NETO1: variants seen among roughly 807,000 people sequenced by gnomAD.
The protein encoded by NETO1 is neuropilin and tolloid-like protein 1.
A neutral mutation model predicts 61.3 loss-of-function variants in NETO1; 26 were observed. That is an observed-to-expected ratio of 0.42 (90% CI 0.31 to 0.59). The LOEUF (loss-of-function observed/expected upper bound fraction) is 0.59, where lower values mean the gene tolerates loss of function less well. NETO1 is among the 20% of genes least tolerant of loss of function. NETO1 has a pLI of 0.12. For synonymous variants in NETO1, 225 were observed against 225.8 expected (o/e 1.00, Z 0.03); for missense variants, 531 against 662.8 (o/e 0.80, Z 2.18).
chr18:72,833,895 A>G (rs2145414363), intron 4 of NETO1: 1 of 157,304 alleles, frequency 6.4e-6, no homozygotes, highest in East Asian at 1.9e-4. Context: ...TATATATCTC[A>G]TTAACTAGCT....
At chr18:72,854,229 C>A (rs1022647729) in intron 4 of NETO1, among the ~76,000 whole-genome samples, 4 of 152,104 alleles carry the variant, frequency 2.6e-5, no homozygotes, top group Non-Finnish European at 4.4e-5. Context: ...TATTTAAGTA[C>A]AAAATATCGT....
chr18:72,749,707 T>G (rs1186218126), intron 9 of NETO1, among the ~76,000 whole-genome samples: 1 of 152,168 alleles, frequency 6.6e-6, no homozygotes, highest in Admixed American at 6.5e-5. Context: ...AATATATAAA[T>G]ATTGATGGGA....
At chr18:72,866,273 C>A (rs148379795) in intron 1 of NETO1, among the ~76,000 whole-genome samples, 1 of 152,168 alleles carries the variant, frequency 6.6e-6, no homozygotes, top group Non-Finnish European at 1.5e-5. Context: ...CAGGCTTATA[C>A]ATTTATACTT....
chr18:72,820,123 G>A (rs2073145142), intron 4 of NETO1, among the ~76,000 whole-genome samples: 3 of 152,046 alleles, frequency 2.0e-5, no homozygotes, highest in African/African-American at 7.2e-5. Context: ...AAATTCATAA[G>A]GTACTCTAAA....
chr18:72,828,185 C>A (rs1184796911), intron 4 of NETO1, among the ~76,000 whole-genome samples: 3 of 152,150 alleles, frequency 2.0e-5, no homozygotes, highest in African/African-American at 4.8e-5. Context: ...GTGGCACATG[C>A]CTGTAATCTT....
chr18:72,841,728 T>C (rs1942460), intron 4 of NETO1, among the ~76,000 whole-genome samples: 90,946 of 113,124 alleles, frequency 0.8, 34,728 homozygotes, highest in East Asian at 0.89. Context: ...AGTGAGACTC[T>C]ACCTCAACAA....
rs1159246616 is a variant in NETO1 at position 72,745,477 on chromosome 18, A to G, written c.*2702T>C. The G allele has an allele frequency of 1.3e-5, 2 of 152,234 alleles. No homozygotes were observed. The highest frequency in any genetic ancestry group is 2.9e-5 in the Non-Finnish European group (2 of 68,036). The allele number at this position is 152,234 out of a possible 1,614,324, so 9.4% of individuals were successfully genotyped here. A position where few individuals can be genotyped will look rare whatever the true frequency, so the allele number is the denominator to read the frequency against. ...AGGCTAACTTAATGCATTATTTGAA[A>G]TCATCTTGTTAAATCAATAAAGCAC... On this transcript the variant is annotated 3_prime_UTR_variant, in exon 11 of 11. Transcript: ENST00000327305.
At chr18:72,820,121 A>G (rs1484200566) in intron 4 of NETO1, among the ~76,000 whole-genome samples, 1 of 152,234 alleles carries the variant, frequency 6.6e-6, no homozygotes, top group African/African-American at 2.4e-5. Context: ...TCAAATTCAT[A>G]AGGTACTCTA....
intron 3 of NETO1, among the ~76,000 whole-genome samples, chr18:72,862,278 C>A (rs2145673110): frequency 6.6e-6 from 1 of 152,262 alleles, no homozygotes; most frequent in South Asian, 2.1e-4. Context: ...TTTTTAAGAG[C>A]AGTTGAAAAA....
chr18:72,800,813 C>T (rs2072480703), intron 4 of NETO1, among the ~76,000 whole-genome samples: 1 of 152,088 alleles, frequency 6.6e-6, no homozygotes, highest in Non-Finnish European at 1.5e-5. Context: ...CATGTCTCTT[C>T]CTGTAAATAA....
At chr18:72,755,227 A>G (rs968256575) in intron 8 of NETO1, among the ~76,000 whole-genome samples, 1 of 152,226 alleles carries the variant, frequency 6.6e-6, no homozygotes, top group Non-Finnish European at 1.5e-5. Flanking sequence ...GGATTACGAA[A>G]GTAATCAACA....
At chr18:72,796,509 T>C (rs2072316158) in intron 4 of NETO1, among the ~76,000 whole-genome samples, 1 of 152,144 alleles carries the variant, frequency 6.6e-6, no homozygotes, top group South Asian at 2.1e-4. Flanking sequence ...TGAGACGGAG[T>C]CTGGCTCTGT....
In NETO1 at chr18:72,787,585, C is replaced by T. The variant is rs1263806744; in HGVS notation, c.640-3679G>A. Among the ~76,000 whole-genome samples, 7 of 152,074 alleles carry T rather than the reference C, an allele frequency of 4.6e-5. No individual in the cohort carries two copies. The East Asian group carries it at 5.8e-4, about 13-fold the overall frequency. On this transcript the variant is annotated intron_variant, in intron 6 of 10. Transcript: ENST00000327305. ...TTTATTGTTAGGAAAAGAAAGTTTG[C>T]GTGTTATATTGACGATAGCTTAAGA...
chr18:72,784,822 A>G (rs983405259), intron 6 of NETO1, among the ~76,000 whole-genome samples: 1 of 152,252 alleles, frequency 6.6e-6, no homozygotes, highest in Non-Finnish European at 1.5e-5. Context: ...TCATGCGTCC[A>G]TCGATTCAGT....
chr18:72,851,533 G>A (rs1024824357), intron 4 of NETO1, among the ~76,000 whole-genome samples: 1 of 152,130 alleles, frequency 6.6e-6, no homozygotes, highest in Admixed American at 6.5e-5. Flanking sequence ...ATGAGAGCAC[G>A]GTACACACAG....
chr18:72,843,475 A>G (rs530891162), intron 4 of NETO1, among the ~76,000 whole-genome samples: 3 of 152,312 alleles, frequency 2.0e-5, no homozygotes, highest in African/African-American at 7.2e-5. Context: ...AAAAGTAGGT[A>G]GAAATAAATG....
intron 7 of NETO1, among the ~76,000 whole-genome samples, chr18:72,777,218 A>G (rs2071576907): frequency 6.6e-6 from 1 of 151,002 alleles, no homozygotes; most frequent in South Asian, 2.1e-4. Flanking sequence ...CAGAGTAAGC[A>G]ACCAGCCTGA....
At chr18:72,829,843 A>G (rs2073515593) in intron 4 of NETO1, among the ~76,000 whole-genome samples, 1 of 152,184 alleles carries the variant, frequency 6.6e-6, no homozygotes, top group East Asian at 1.9e-4. Context: ...ATATCAGTGC[A>G]TCTCTAAAGG....
rs1296666637 is a variant in NETO1, at chr18:72,867,776, G to GGGCGGC, written c.-491_-486dup. 6.4e-6 allele frequency: 1 copy of GGGCGGC among 156,984 alleles called. No homozygotes were observed. The highest frequency in any genetic ancestry group is 1.4e-5 in the Non-Finnish European group (1 of 73,728). The allele number at this position is 156,984 out of a possible 1,614,324, so 9.7% of individuals were successfully genotyped here. ...TCCAGACCGACGGCAGCGACGGAGCGGGCGGCGGCGGCGGCGCCGGCGGCG... is the reference window on the plus strand; with the variant it reads ...TCCAGACCGACGGCAGCGACGGAGCGGGCGGCGGCGGCGGCGGCGGCGCCGGCGGCG... On this transcript the variant is annotated 5_prime_UTR_variant, in exon 1 of 11. Coordinates refer to ENST00000327305, the MANE Select transcript of NETO1 (RefSeq NM_138966.5).
Sources: gnomAD v4.1 joint callset for allele counts (sites outside exome capture counted in the v4.1 genomes callset) on GRCh38, gnomAD v4.1.1 for gene constraint, MANE v1.5 for transcripts, NCBI Gene and HGNC (gene_info 2026-07-23, HGNC 2026-07-21) for gene names.